CAND2: variants seen among roughly 807,000 people sequenced by gnomAD.
CAND2 encodes cullin associated and neddylation dissociated 2 (putative).
Under a neutral mutation model 98.9 loss-of-function variants are expected in CAND2, and 62 were observed. The observed-to-expected ratio is 0.63, with a 90% CI of 0.51 to 0.77. The LOEUF (loss-of-function observed/expected upper bound fraction) is 0.77. CAND2 is among the 30% of genes least tolerant of loss of function. CAND2 has a pLI of 0.00. For synonymous variants in CAND2, 770 were observed against 731.9 expected (o/e 1.05, Z -0.84); for missense variants, 1,501 against 1,655.2 (o/e 0.91, Z 1.62).
In CAND2 at chr3:12,833,749, C is replaced by A; in HGVS notation, c.3484-6C>A. 6.2e-7 allele frequency: 1 copy of A among 1,612,038 alleles called. No homozygotes were observed. The highest frequency in any genetic ancestry group is 8.5e-7 in the Non-Finnish European group (1 of 1,178,136). On this transcript the variant is annotated splice_region_variant and splice_polypyrimidine_tract_variant and intron_variant, in intron 14 of 14. Transcript: ENST00000456430. The stretch of plus-strand genomic sequence containing the variant: ...GGATGGCTGCTTCTGCTGTTTCCTA[C>A]TTTAGGTCAAAGCTGGTTCTGTGAA...
Position 12,796,700 on chromosome 3 carries a change from G to A in CAND2, c.-21G>A, listed in dbSNP as rs759945509. On this transcript the variant is annotated 5_prime_UTR_variant, in exon 1 of 15. Transcript: ENST00000456430. Reference sequence around the variant, plus strand: ...CCGCCATATTCCCTCCCGCCGGCCGGCTCCGCGGCGCGCAGCCACCATGAG... The same window carrying A: ...CCGCCATATTCCCTCCCGCCGGCCGACTCCGCGGCGCGCAGCCACCATGAG... 4 of 1,564,748 alleles carry A rather than the reference G, an allele frequency of 2.6e-6. No homozygotes were observed. The African/African-American group carries it at 4.1e-5, about 16-fold the overall frequency.
intron 2 of CAND2, among the ~76,000 whole-genome samples, chr3:12,806,683 G>T (rs996778042): frequency 1.3e-5 from 2 of 152,228 alleles, no homozygotes; most frequent in South Asian, 2.1e-4. Flanking sequence ...AGGGCGTCTA[G>T]TGCCGCTGTT....
At chr3:12,824,795 G>C (rs1257586214) in intron 11 of CAND2, among the ~76,000 whole-genome samples, 1 of 152,014 alleles carries the variant, frequency 6.6e-6, no homozygotes, top group Admixed American at 6.6e-5. Flanking sequence ...GTAATCCCAG[G>C]TACTTGGGAG....
At chr3:12,800,963 T>G (rs535003967) in intron 1 of CAND2, among the ~76,000 whole-genome samples, 1 of 152,192 alleles carries the variant, frequency 6.6e-6, no homozygotes, top group South Asian at 2.1e-4. Flanking sequence ...CCTTAAGTGA[T>G]CTGGCGACCT....
rs2061865993 is a variant in CAND2, at chr3:12,813,036, C to T, written c.804C>T (p.Asn268=). 2 of 1,584,500 alleles carry T rather than the reference C, an allele frequency of 1.3e-6. No homozygotes were observed. The highest frequency in any genetic ancestry group is 1.7e-6 in the Non-Finnish European group (2 of 1,166,294). The change falls in exon 6 of 15, where the codon AAC becomes AAT. Residue 268 remains asparagine (N), a synonymous_variant. Transcript: ENST00000456430. Reference sequence around the variant, plus strand: ...TGCCCCTGGTGGAGGATTTCTGCAACCTGGATGATGATGAGCTCCGGGAGT... The same window carrying T: ...TGCCCCTGGTGGAGGATTTCTGCAATCTGGATGATGATGAGCTCCGGGAGT... ...RLVPLVEDFC[N]LDDDELRESC... is the part of the protein sequence containing the mutation.
chr3:12,809,784 T>G (rs2061835119), intron 4 of CAND2: 2 of 387,620 alleles, frequency 5.2e-6, no homozygotes, highest in Non-Finnish European at 9.2e-6. Context: ...ACAGCCTTAC[T>G]AGATCCTCTA....
At chr3:12,812,331 C>A (rs1312281927) in intron 5 of CAND2, among the ~76,000 whole-genome samples, 1 of 148,032 alleles carries the variant, frequency 6.8e-6, no homozygotes, top group East Asian at 2.0e-4. Context: ...TCAAGCAATT[C>A]TCCTGCCTCA....
In CAND2 at chr3:12,810,145, A is replaced by G. The variant is rs1224635246; in HGVS notation, c.578A>G (p.Lys193Arg). ...QLSSPRLAVR[K>R]RAVGALGHLA... ...AGCAGCCCGCGCCTGGCGGTGCGCA[A>G]GCGGGCGGTCGGAGCGCTTGGCCAC... is the stretch of plus-strand genomic sequence containing the variant. The change falls in exon 5 of 15, where the codon AAG becomes AGG. Residue 193 changes from lysine to arginine, a missense_variant. This residue lies in a region of CAND2 where 1,427 missense variants were observed against 1,545.3 expected (regional missense o/e 0.92). Coordinates refer to ENST00000456430, the MANE Select transcript of CAND2 (RefSeq NM_001162499.2). 4.6e-6 allele frequency: 7 copies of G among 1,523,794 alleles called. No individual in the cohort carries two copies. In the African/African-American group the frequency reaches 9.9e-5, roughly 22 times the overall value. 94.4% of individuals were successfully genotyped at this position (1,523,794 alleles called of 1,614,324 possible). A position where few individuals can be genotyped will look rare whatever the true frequency, so the allele number is the denominator to read the frequency against.
Position 12,831,589 on chromosome 3 carries a change from G to A in CAND2, c.3483+17G>A, listed in dbSNP as rs567156820. ...ACTGCCAAGGTAAGTCCCTGGCCCA[G>A]CCCTAGCCCAGGCCCTGGAGCACCT... On this transcript the variant is annotated intron_variant, in intron 14 of 14. Coordinates refer to ENST00000456430, the MANE Select transcript of CAND2 (RefSeq NM_001162499.2). 1.3e-6 allele frequency: 2 copies of A among 1,581,200 alleles called. No individual in the cohort carries two copies. The highest frequency in any genetic ancestry group is 2.3e-5 in the South Asian group (2 of 88,012).
chr3:12,809,808 C>A, intron 4 of CAND2: 1 of 437,272 alleles, frequency 2.3e-6, no homozygotes, highest in South Asian at 5.0e-5. Flanking sequence ...TTTCCCCTAT[C>A]AGGTCTTTCT....
intron 14 of CAND2, among the ~76,000 whole-genome samples, chr3:12,832,051 G>A (rs1009081617): frequency 6.6e-6 from 1 of 152,182 alleles, no homozygotes; most frequent in African/African-American, 2.4e-5. Context: ...AGCTGGCGTT[G>A]GGAGCAGAGC....
Position 12,816,565 on chromosome 3 carries a change from C to T in CAND2, c.1633C>T (p.Leu545=), listed in dbSNP as rs2061904312. Residue 545 remains leucine (L), a synonymous_variant, in exon 10 of 15, where the codon CTG becomes TTG. Transcript: ENST00000456430. ...GATTGCAGCCGAGGCCCTGGTGGTGCTGCAGGAGCTGGTGCGGGCCCTGTG... is the reference window on the plus strand; with the variant it reads ...GATTGCAGCCGAGGCCCTGGTGGTGTTGCAGGAGCTGGTGCGGGCCCTGTG... The part of the protein sequence containing the change: ...YKIAAEALVV[L]QELVRALWPL... The T allele has an allele frequency of 6.2e-7, 1 of 1,613,798 alleles. No homozygotes were observed. Among genetic ancestry groups the T allele is most frequent in the South Asian group, 1.1e-5 (1 of 91,082 alleles).
chr3:12,818,007 G>C, intron 10 of CAND2, 131 bp downstream of exon 10: 1 of 794,696 alleles, frequency 1.3e-6, no homozygotes, highest in Non-Finnish European at 1.8e-6. Context: ...CTATACGACA[G>C]AGGCAAGGAA....
chr3:12,829,652 G>A (rs1184826471), intron 13 of CAND2, among the ~76,000 whole-genome samples: 1 of 152,192 alleles, frequency 6.6e-6, no homozygotes, highest in Non-Finnish European at 1.5e-5. Flanking sequence ...TTGGGATGAT[G>A]CACATAGACC....
intron 10 of CAND2, among the ~76,000 whole-genome samples, chr3:12,818,671 C>T (rs1005662878): frequency 5.3e-5 from 8 of 152,338 alleles, no homozygotes; most frequent in Non-Finnish European, 1.0e-4. Flanking sequence ...GGATGCTCTG[C>T]TTGACAGAAT....
chr3:12,811,231 G>T (rs1252976298), intron 5 of CAND2, among the ~76,000 whole-genome samples: 1 of 152,162 alleles, frequency 6.6e-6, no homozygotes, highest in Admixed American at 6.5e-5. Flanking sequence ...AGAGGCCTGC[G>T]CAGGCTCGGA....
Position 12,807,356 on chromosome 3 carries a change from T to C in CAND2, c.263T>C (p.Val88Ala), listed in dbSNP as rs144602366. The C allele has an allele frequency of 4.5e-6, 7 of 1,551,700 alleles. No homozygotes were observed. In the East Asian group the frequency reaches 1.5e-4, roughly 33 times the overall value. The stretch of plus-strand genomic sequence containing the variant: ...AAGGAGTACCAGGTGGAGACCATTG[T>C]GGACACCCTGTGCACCAACATGCGG... ...KVKEYQVETI[V>A]DTLCTNMRSD... Residue 88 changes from valine to alanine, a missense_variant, in exon 3 of 15, where the codon GTG (valine) becomes GCG (alanine). Coordinates refer to ENST00000456430, the MANE Select transcript of CAND2 (RefSeq NM_001162499.2).
chr3:12,827,382 C>T, intron 12 of CAND2, 58 bp from the exon 13 acceptor site: 3 of 1,510,736 alleles, frequency 2.0e-6, no homozygotes, highest in Non-Finnish European at 2.7e-6. Flanking sequence ...GTAGCAGAAG[C>T]TAGAAGAGGT....
chr3:12,805,632 G>T (rs1314706466), intron 2 of CAND2, among the ~76,000 whole-genome samples: 2 of 152,050 alleles, frequency 1.3e-5, no homozygotes, highest in Non-Finnish European at 2.9e-5. Flanking sequence ...AAGTTTCCCA[G>T]AAAACAAAGT....
Sources: gnomAD v4.1 joint callset for allele counts (sites outside exome capture counted in the v4.1 genomes callset) on GRCh38, gnomAD v4.1.1 for gene constraint, gnomAD v4.1.1 regional missense constraint, MANE v1.5 for transcripts, NCBI Gene and HGNC (gene_info 2026-07-23, HGNC 2026-07-21) for gene names.